The following KDM7A variants were observed in gnomAD, a reference collection of about 807,000 sequenced individuals.
KDM7A encodes lysine demethylase 7A, also known as lysine-specific demethylase 7A.
KDM7A carries 28 observed loss-of-function variants against 114.8 expected under a neutral mutation model. That is an observed-to-expected ratio of 0.24 (90% confidence interval 0.18 to 0.33). The LOEUF is 0.33. Among genes scored for constraint, KDM7A ranks in the 10% least tolerant of loss-of-function variants. KDM7A has a pLI of 1.00. For synonymous variants in KDM7A, 423 were observed against 397.8 expected, an observed-to-expected ratio of 1.06 and a Z score of -0.75; for missense variants, 942 against 1,142.5, an observed-to-expected ratio of 0.82 and a Z score of 2.53.
intron 5 of KDM7A, among the ~76,000 whole-genome samples, 167 bp from the exon 6 acceptor site, chr7:140,126,990 T>TGAGACAGAGCAA: frequency 6.6e-6 from 1 of 152,232 alleles, no homozygotes; most frequent in East Asian, 1.9e-4. Context: ...GACAGAGTCT[T>TGAGACAGAGCAA]GCTCTGTCGC....
chr7:140,116,184 A>G (rs1434408147), intron 9 of KDM7A, among the ~76,000 whole-genome samples: 1 of 152,180 alleles, frequency 6.6e-6, no homozygotes, highest in African/African-American at 2.4e-5. Flanking sequence ...CAAAGACAAG[A>G]ACTTCTTAGC....
chr7:140,146,541 A>G lies in KDM7A; in HGVS notation c.195-7351T>C, dbSNP rs528327701. Among the ~76,000 whole-genome samples, 8 of 152,374 alleles carry G rather than the reference A, an allele frequency of 5.3e-5. No homozygotes were observed. In the East Asian group the frequency reaches 1.5e-3, roughly 29 times the overall value. On this transcript the variant is annotated intron_variant, in intron 1 of 19. Transcript: ENST00000397560. ...TCAAACCTGGCACATAACCTTCTTT[A>G]GTCTCTTCCACTCACTTCTCTTGTA...
intron 1 of KDM7A, among the ~76,000 whole-genome samples, chr7:140,142,194 A>C (rs1193349046): frequency 6.6e-6 from 1 of 151,162 alleles, no homozygotes; most frequent in Non-Finnish European, 1.5e-5. Context: ...ATAACATAAT[A>C]TAGAAAATAT....
At chr7:140,152,276 A>G (rs1004591036) in intron 1 of KDM7A, among the ~76,000 whole-genome samples, 4 of 152,178 alleles carry the variant, frequency 2.6e-5, no homozygotes, top group African/African-American at 9.7e-5. Context: ...ATCTTGACAT[A>G]ACTGGTAACA....
intron 11 of KDM7A, among the ~76,000 whole-genome samples, chr7:140,103,456 T>TCCCCC (rs36126233): frequency 2.7e-5 from 4 of 147,598 alleles, no homozygotes; most frequent in Non-Finnish European, 4.5e-5. Context: ...ATGTTATCCC[T>TCCCCC]CCCCCCCCCT....
chr7:140,105,862 T>C (rs1303260676), intron 11 of KDM7A, among the ~76,000 whole-genome samples: 1 of 152,252 alleles, frequency 6.6e-6, no homozygotes, highest in Non-Finnish European at 1.5e-5. Context: ...TCAAAAGGAA[T>C]GGTACCAGCT....
At chr7:140,105,082 C>T (rs1255684777) in intron 11 of KDM7A, among the ~76,000 whole-genome samples, 1 of 151,918 alleles carries the variant, frequency 6.6e-6, no homozygotes, top group Admixed American at 6.6e-5. Context: ...CATGATTTGG[C>T]TCTGTTTGTC....
chr7:140,161,139 T>C (rs1213359146), intron 1 of KDM7A, among the ~76,000 whole-genome samples: 2 of 152,236 alleles, frequency 1.3e-5, no homozygotes, highest in Non-Finnish European at 2.9e-5. Flanking sequence ...GCATATAGTT[T>C]ACAACCCATG....
chr7:140,175,731 C>A (rs1185575836), intron 1 of KDM7A, among the ~76,000 whole-genome samples: 1 of 152,090 alleles, frequency 6.6e-6, no homozygotes, highest in Non-Finnish European at 1.5e-5. Context: ...AAACCCGGAG[C>A]GCGGCGGCGG....
chr7:140,126,494 G>C, intron 6 of KDM7A, 143 bp downstream of exon 6: 1 of 430,282 alleles, frequency 2.3e-6, no homozygotes, highest in East Asian at 3.5e-5. Flanking sequence ...TAAAGGCAAA[G>C]TGACAGTTCC....
At chr7:140,128,586 GC>G (rs538121011) in intron 4 of KDM7A, among the ~76,000 whole-genome samples, 106 of 152,228 alleles carry the variant, frequency 7.0e-4, no homozygotes, top group African/African-American at 2.5e-3. Context: ...TTAATCCTTA[GC>G]CCCATCCTCT....
At chr7:140,140,928 A>G (rs542006132) in intron 1 of KDM7A, among the ~76,000 whole-genome samples, 57 of 152,264 alleles carry the variant, frequency 3.7e-4, no homozygotes, top group African/African-American at 1.3e-3. Flanking sequence ...CAGAAAATGC[A>G]AAAGAATCTA....
chr7:140,109,674 T>A (rs1585143885), intron 11 of KDM7A, among the ~76,000 whole-genome samples: 2 of 152,372 alleles, frequency 1.3e-5, no homozygotes. Flanking sequence ...GTTTATACTG[T>A]TTTCAGCTTC....
Position 140,118,221 on chromosome 7 carries a change from T to G in KDM7A, c.1246+892A>C, listed in dbSNP as rs540598413. Among the ~76,000 whole-genome samples, 10 of 152,310 alleles carry G rather than the reference T, an allele frequency of 6.6e-5. No individual in the cohort carries two copies. In the South Asian group the frequency reaches 8.3e-4, roughly 13 times the overall value. ...AACACAAAAAGCAGACAAACTATTC[T>G]CACTAGCACAAGAGGATGAAAAGCA... On this transcript the variant is annotated intron_variant, in intron 9 of 19. Transcript: ENST00000397560.
intron 1 of KDM7A, among the ~76,000 whole-genome samples, chr7:140,170,795 C>G (rs1794630188): frequency 6.6e-6 from 1 of 152,186 alleles, no homozygotes; most frequent in African/African-American, 2.4e-5. Flanking sequence ...GTATTTCTAG[C>G]ACAAATACAC....
chr7:140,112,544 T>C (rs911606489), intron 10 of KDM7A, among the ~76,000 whole-genome samples: 4 of 151,148 alleles, frequency 2.6e-5, no homozygotes, highest in African/African-American at 4.9e-5. Context: ...CCAGGAGGCG[T>C]AGGTTGCAGC....
chr7:140,115,865 A>T (rs920839756), intron 9 of KDM7A, among the ~76,000 whole-genome samples: 2 of 142,864 alleles, frequency 1.4e-5, no homozygotes, highest in East Asian at 2.0e-4. Context: ...GTAAAAAAAA[A>T]AAATAAATGT....
chr7:140,130,681 AT>A (rs200878922), intron 3 of KDM7A, among the ~76,000 whole-genome samples: 399 of 152,144 alleles, frequency 2.6e-3, no homozygotes, highest in African/African-American at 7.8e-3. Context: ...TGACTATAAA[AT>A]TCTACACAAC....
intron 9 of KDM7A, among the ~76,000 whole-genome samples, chr7:140,118,619 G>A (rs982488325): frequency 4.0e-5 from 6 of 148,264 alleles, no homozygotes; most frequent in Admixed American, 6.7e-5. Context: ...ATTTCACCAT[G>A]TTGGCCAGGT....
Sources: gnomAD v4.1 joint callset for allele counts (sites outside exome capture counted in the v4.1 genomes callset) on GRCh38, gnomAD v4.1.1 for gene constraint, MANE v1.5 for transcripts, NCBI Gene and HGNC (gene_info 2026-07-23, HGNC 2026-07-21) for gene names.